SMCHD1: variants seen among roughly 807,000 people sequenced by gnomAD.
The protein encoded by SMCHD1 is structural maintenance of chromosomes flexible hinge domain containing 1.
A neutral mutation model predicts 254.7 loss-of-function variants in SMCHD1; 78 were observed. The observed-to-expected ratio is 0.31, with a 90% CI of 0.26 to 0.37. The LOEUF (loss-of-function observed/expected upper bound fraction) is 0.37, where lower values mean the gene tolerates loss of function less well. SMCHD1 is among the 10% of genes least tolerant of loss of function. The pLI, the probability that SMCHD1 is intolerant of heterozygous loss-of-function variation, is 1.00. For missense variants in SMCHD1, 1,840 were observed against 2,408.1 expected (o/e 0.76, Z 4.94); for synonymous variants, 766 against 794.9 (o/e 0.96, Z 0.61).
chr18:2,798,541 A>G (rs1221011308), intron 47 of SMCHD1, among the ~76,000 whole-genome samples: 1 of 152,248 alleles, frequency 6.6e-6, no homozygotes, highest in Non-Finnish European at 1.5e-5. Flanking sequence ...TGTATGAACT[A>G]TCTTCCAGGT....
chr18:2,704,363 C>T (rs551833548), intron 13 of SMCHD1, among the ~76,000 whole-genome samples: 6 of 152,024 alleles, frequency 3.9e-5, no homozygotes, highest in African/African-American at 7.2e-5. Context: ...TAATGTAATG[C>T]GTTAAGTAAT....
At chr18:2,773,532 A>C (rs554153564) in intron 41 of SMCHD1, among the ~76,000 whole-genome samples, 92 of 152,224 alleles carry the variant, frequency 6.0e-4, no homozygotes, top group Middle Eastern at 3.4e-3. Context: ...TACAAACCCT[A>C]CCCTAACCAG....
At chr18:2,722,351 A>C (rs1053272573) in intron 19 of SMCHD1, among the ~76,000 whole-genome samples, 168 bp from the exon 20 acceptor site, 20 of 152,104 alleles carry the variant, frequency 1.3e-4, no homozygotes, top group Admixed American at 1.3e-3. Context: ...TCCCAAGTGG[A>C]TTGTCTGCAT....
At chr18:2,742,534 AT>A (rs1411464594) in intron 28 of SMCHD1, among the ~76,000 whole-genome samples, 1 of 152,226 alleles carries the variant, frequency 6.6e-6, no homozygotes, top group African/African-American at 2.4e-5. Context: ...AGTTTTCTGA[AT>A]ATTGAAAAAT....
rs934682123 is a variant in SMCHD1 at position 2,706,310 on chromosome 18, T to G, written c.1957-54T>G. On this transcript the variant is annotated intron_variant, in intron 14 of 47. Coordinates refer to ENST00000320876, the MANE Select transcript of SMCHD1 (RefSeq NM_015295.3). ...GAAACAAATGGGTGTTTGTTTTTAT[T>G]ACAGCTAGATTTAAATAGTTTTCTT... 8.8e-6 allele frequency: 11 copies of G among 1,254,688 alleles called. No homozygotes were observed. The African/African-American group carries it at 1.7e-4, about 19-fold the overall frequency. The allele number at this position is 1,254,688 out of a possible 1,614,324, so 77.7% of individuals were successfully genotyped here. A position where few individuals can be genotyped will look rare whatever the true frequency, so the allele number is the denominator to read the frequency against.
chr18:2,698,818 A>G (rs1208093594), intron 10 of SMCHD1, among the ~76,000 whole-genome samples: 3 of 151,242 alleles, frequency 2.0e-5, no homozygotes, highest in Middle Eastern at 3.4e-3. Flanking sequence ...CCATAAGTAC[A>G]TAGGTCTAGA....
chr18:2,712,202 A>C (rs767917329), intron 17 of SMCHD1, among the ~76,000 whole-genome samples: 1 of 150,222 alleles, frequency 6.7e-6, no homozygotes, highest in African/African-American at 2.5e-5. Context: ...AATATTCATA[A>C]GGGATTTTGG....
At chr18:2,736,322 A>G (rs2075248407) in intron 25 of SMCHD1, among the ~76,000 whole-genome samples, 1 of 152,196 alleles carries the variant, frequency 6.6e-6, no homozygotes, top group Admixed American at 6.5e-5. Context: ...AAAACCTAGG[A>G]AATAGCCATT....
intron 5 of SMCHD1, among the ~76,000 whole-genome samples, chr18:2,686,044 C>T (rs937329595): frequency 6.6e-6 from 1 of 152,080 alleles, no homozygotes; most frequent in African/African-American, 2.4e-5. Context: ...CTTTCTGAAG[C>T]TCTTTCTAAA....
At chr18:2,745,772 T>C (rs2143583466) in intron 29 of SMCHD1, among the ~76,000 whole-genome samples, 1 of 152,314 alleles carries the variant, frequency 6.6e-6, no homozygotes, top group Non-Finnish European at 1.5e-5. Flanking sequence ...ATAAGAGTTA[T>C]TTGTAGATCC....
chr18:2,657,266 T>G (rs1370867783), intron 1 of SMCHD1, among the ~76,000 whole-genome samples: 3 of 152,190 alleles, frequency 2.0e-5, no homozygotes, highest in Non-Finnish European at 4.4e-5. Flanking sequence ...GTAAGGACTT[T>G]CTTTTGTTCA....
At chr18:2,747,444 G>A (rs892326695) in intron 29 of SMCHD1, 78 bp from the exon 30 acceptor site, 42 of 1,249,340 alleles carry the variant, frequency 3.4e-5, no homozygotes, top group South Asian at 9.6e-5. Flanking sequence ...TTAAGTGATC[G>A]TTACACAAAT....
chr18:2,663,499 A>G (rs1413587969), intron 1 of SMCHD1, among the ~76,000 whole-genome samples: 1 of 152,132 alleles, frequency 6.6e-6, no homozygotes, highest in African/African-American at 2.4e-5. Flanking sequence ...CTAATGTACA[A>G]CTGCTTTAAT....
intron 7 of SMCHD1, among the ~76,000 whole-genome samples, chr18:2,689,000 T>C (rs963790164): frequency 1.3e-5 from 2 of 152,156 alleles, no homozygotes; most frequent in African/African-American, 4.8e-5. Context: ...ATCTTTGTTG[T>C]ATAATAAAAT....
chr18:2,702,172 A>G (rs1278618491), intron 12 of SMCHD1: 1 of 152,022 alleles, frequency 6.6e-6, no homozygotes, highest in African/African-American at 2.4e-5. Context: ...GAAACATTCA[A>G]GCTGCGCATA....
intron 5 of SMCHD1, 77 bp from the exon 6 acceptor site, chr18:2,688,317 G>C (rs2074098089): frequency 1.0e-6 from 1 of 984,886 alleles, no homozygotes. Flanking sequence ...TATTAACACT[G>C]AATACAAGTG....
At chr18:2,785,158 C>T (rs1029009631) in intron 45 of SMCHD1, among the ~76,000 whole-genome samples, 4 of 152,094 alleles carry the variant, frequency 2.6e-5, no homozygotes, top group South Asian at 2.1e-4. Context: ...TGTCCCTGCA[C>T]GTCTGTGCTC....
At chr18:2,751,881 A>G (rs928358597) in intron 33 of SMCHD1, among the ~76,000 whole-genome samples, 2 of 152,124 alleles carry the variant, frequency 1.3e-5, no homozygotes, top group Non-Finnish European at 2.9e-5. Context: ...TAATATATCA[A>G]AAGTTACCAT....
chr18:2,710,967 T>C (rs1052913595), intron 17 of SMCHD1, among the ~76,000 whole-genome samples: 34 of 152,126 alleles, frequency 2.2e-4, no homozygotes, highest in African/African-American at 8.0e-4. Context: ...CGTTGATTGG[T>C]TGTTTTTTGT....
Sources: allele counts gnomAD v4.1 joint callset (sites outside exome capture counted in the v4.1 genomes callset), GRCh38; gene constraint gnomAD v4.1.1; transcripts MANE v1.5; gene names NCBI Gene and HGNC (gene_info 2026-07-23, HGNC 2026-07-21).